The following MAN2B2 variants were observed in gnomAD, a reference collection of about 807,000 sequenced individuals.
MAN2B2 encodes mannosidase alpha class 2B member 2.
MAN2B2 carries 106 observed loss-of-function variants against 117.1 expected under a neutral mutation model. The ratio of observed to expected loss-of-function variants is 0.90; its 90% confidence interval spans 0.77 to 1.06. The LOEUF is 1.06. MAN2B2 is among the 50% of genes least tolerant of loss of function. The probability of loss-of-function intolerance (pLI) is 0.00; values close to 1 mark genes in which losing one functional copy is unlikely to be tolerated. For synonymous variants in MAN2B2, 544 were observed against 595.1 expected, an observed-to-expected ratio of 0.91 and a Z score of 1.25; for missense variants, 1,326 against 1,381.4, an observed-to-expected ratio of 0.96 and a Z score of 0.64.
chr4:6,618,776 T>C (rs1712018287), intron 17 of MAN2B2: 1 of 152,284 alleles, frequency 6.6e-6, no homozygotes, highest in Admixed American at 6.5e-5. Context: ...TGGGCCTCCT[T>C]CGACATCTGA....
intron 3 of MAN2B2, among the ~76,000 whole-genome samples, chr4:6,583,011 T>C (rs1366496790): frequency 1.3e-5 from 2 of 152,172 alleles, no homozygotes; most frequent in South Asian, 2.1e-4. Flanking sequence ...ACTCTGGTGA[T>C]TGGGTGGCTC....
intron 5 of MAN2B2, among the ~76,000 whole-genome samples, chr4:6,591,067 G>A (rs967051169): frequency 6.6e-6 from 1 of 152,074 alleles, no homozygotes; most frequent in African/African-American, 2.4e-5. Context: ...AGAATCACTT[G>A]AGCCCACAAG....
chr4:6,611,609 G>T (rs1026502210), intron 15 of MAN2B2, among the ~76,000 whole-genome samples: 3 of 151,016 alleles, frequency 2.0e-5, no homozygotes, highest in African/African-American at 7.4e-5. Context: ...TTTAGGTCTG[G>T]AGGCTTAGCA....
At chr4:6,576,347 G>A (rs1726059162) in intron 1 of MAN2B2, among the ~76,000 whole-genome samples, 1 of 152,200 alleles carries the variant, frequency 6.6e-6, no homozygotes, top group African/African-American at 2.4e-5. Context: ...ACCTGTCTCT[G>A]CCCATGTAGG....
intron 6 of MAN2B2, 48 bp from the exon 7 acceptor site, chr4:6,594,486 G>A (rs200778545): frequency 4.4e-6 from 7 of 1,584,092 alleles, no homozygotes; most frequent in African/African-American, 1.3e-5. Context: ...CCCACTGGGC[G>A]AGCGCCCTGC....
At chr4:6,588,642 G>A (rs956417269) in intron 4 of MAN2B2, among the ~76,000 whole-genome samples, 1 of 152,172 alleles carries the variant, frequency 6.6e-6, no homozygotes, top group African/African-American at 2.4e-5. Flanking sequence ...TTGAACCAGG[G>A]AGGTGAAGGT....
intron 16 of MAN2B2, among the ~76,000 whole-genome samples, chr4:6,615,319 G>A (rs1711811727): frequency 6.6e-6 from 1 of 152,142 alleles, no homozygotes; most frequent in Admixed American, 6.5e-5. Context: ...TTGTGAAATG[G>A]GATCCCTCAC....
At chr4:6,576,133 C>T (rs1225627743) in intron 1 of MAN2B2, among the ~76,000 whole-genome samples, 3 of 152,168 alleles carry the variant, frequency 2.0e-5, no homozygotes, top group Non-Finnish European at 2.9e-5. Context: ...GCCTGGGGAG[C>T]TCTTCCTCTC....
rs144159283 is a variant in MAN2B2, at chr4:6,622,108, T to C, written c.*823T>C. 6.6e-6 allele frequency: 1 copy of C among 152,232 alleles called. No individual in the cohort carries two copies. The highest frequency in any genetic ancestry group is 2.4e-5 in the African/African-American group (1 of 41,456). The allele number at this position is 152,232 out of a possible 1,614,324, so 9.4% of individuals were successfully genotyped here. ...GTTCTGTCCATACAATGGAATATTA[T>C]TTGGCCATAAAAAGGAAGGAAATTC... On this transcript the variant is annotated 3_prime_UTR_variant, in exon 19 of 19. Transcript: ENST00000285599.
intron 3 of MAN2B2, among the ~76,000 whole-genome samples, chr4:6,578,998 TACCATCACCACCACCACCACCATC>T (rs1560633990): frequency 3.3e-5 from 3 of 91,148 alleles, no homozygotes; most frequent in African/African-American, 1.2e-4. Flanking sequence ...TCACTACCAC[TACCATCACCACCACCACCACCATC>T]ACCATCACCA....
At chr4:6,612,846 A>G (rs968254294) in intron 15 of MAN2B2, among the ~76,000 whole-genome samples, 1 of 152,174 alleles carries the variant, frequency 6.6e-6, no homozygotes, top group African/African-American at 2.4e-5. Flanking sequence ...CCCCAGGGAG[A>G]GTGTATGGTG....
At position 6,611,234 on chromosome 4, in the gene MAN2B2, T is replaced by C. The variant is rs370415482; in HGVS notation, c.2519T>C (p.Leu840Pro). 3 of 1,613,266 alleles carry C rather than the reference T, an allele frequency of 1.9e-6. No homozygotes were observed. In the African/African-American group the frequency reaches 4.0e-5, roughly 22 times the overall value. Residue 840 changes from leucine to proline, a missense_variant, in exon 15 of 19, where the codon CTG becomes CCG. By Grantham distance (98) the Leu-to-Pro change is moderately conservative. Transcript: ENST00000285599. The stretch of plus-strand genomic sequence containing the variant: ...ACTGCCCTGCGCCAGAGGAGCGCAC[T>C]GGCGCTGCAGCACAGGCCCGTGGTG... ...LTTALRQRSA[L>P]ALQHRPVVLF...
Position 6,597,179 on chromosome 4 carries a change from C to G in MAN2B2, c.1124C>G (p.Ala375Gly). 1.9e-6 allele frequency: 3 copies of G among 1,612,854 alleles called. No individual in the cohort carries two copies. Among genetic ancestry groups the G allele is most frequent in the Non-Finnish European group, 2.5e-6 (3 of 1,179,794 alleles). The change falls in exon 8 of 19, where the codon GCC becomes GGC. Residue 375 changes from alanine to glycine, a missense_variant. Transcript: ENST00000285599. ...RSSLKGLARR[A>G]SALLYAGESM... ...TCACTGAAGGGGCTGGCCCGGCGAGCCAGCGCCTTGTTGTATGCCGGGGAG... is the reference window on the plus strand; with the variant it reads ...TCACTGAAGGGGCTGGCCCGGCGAGGCAGCGCCTTGTTGTATGCCGGGGAG...
intron 9 of MAN2B2, among the ~76,000 whole-genome samples, chr4:6,599,587 C>G (rs966128237): frequency 3.3e-5 from 5 of 150,822 alleles, no homozygotes; most frequent in Non-Finnish European, 7.4e-5. Flanking sequence ...GGCGTGAACC[C>G]AGGAGGCGGA....
At position 6,617,377 on chromosome 4, in the gene MAN2B2, A is replaced by G. The variant is rs201912355; in HGVS notation, c.2702-3A>G. The G allele has an allele frequency of 5.0e-4, 810 of 1,613,238 alleles. No homozygotes were observed. The highest frequency in any genetic ancestry group is 6.6e-4 in the Non-Finnish European group (784 of 1,179,444). On this transcript the variant is annotated splice_region_variant and splice_polypyrimidine_tract_variant and intron_variant, in intron 16 of 18. Transcript: ENST00000285599. ...CACTGCCACCTTCCTTCTGTCCCCA[A>G]AGGCCATCGAGGGGAAGCCCAGGCT...
At chr4:6,580,609 C>T (rs1282228231) in intron 3 of MAN2B2, among the ~76,000 whole-genome samples, 1 of 152,222 alleles carries the variant, frequency 6.6e-6, no homozygotes, top group African/African-American at 2.4e-5. Context: ...AGCTGAGAAG[C>T]CCCTCCCGCA....
intron 3 of MAN2B2, among the ~76,000 whole-genome samples, chr4:6,579,192 GCACCACCACCATCACCATCAC>G: frequency 1.9e-4 from 1 of 5,154 alleles, no homozygotes; most frequent in South Asian, 7.9e-3. Flanking sequence ...ACCATCACCA[GCACCACCACCATCACCATCAC>G]CACCACCACC....
At chr4:6,582,003 C>A (rs890035996) in intron 3 of MAN2B2, among the ~76,000 whole-genome samples, 2 of 152,102 alleles carry the variant, frequency 1.3e-5, no homozygotes, top group Non-Finnish European at 2.9e-5. Flanking sequence ...TGAGGGGACA[C>A]TTTCCCAGCT....
chr4:6,592,417 G>C (rs577975254), intron 5 of MAN2B2, among the ~76,000 whole-genome samples: 1 of 152,086 alleles, frequency 6.6e-6, no homozygotes, highest in Non-Finnish European at 1.5e-5. Flanking sequence ...CCAGGAATTC[G>C]AGACCAGCCT....
Sources: gnomAD v4.1 joint callset for allele counts (sites outside exome capture counted in the v4.1 genomes callset) on GRCh38, gnomAD v4.1.1 for gene constraint, MANE v1.5 for transcripts, NCBI Gene and HGNC (gene_info 2026-07-23, HGNC 2026-07-21) for gene names.